CASK: variants seen among roughly 807,000 people sequenced by gnomAD.
The protein encoded by CASK is peripheral plasma membrane protein CASK.
A neutral mutation model predicts 82.9 loss-of-function variants in CASK; 4 were observed. The ratio of observed to expected loss-of-function variants is 0.05; its 90% CI spans 0.02 to 0.11. The LOEUF (loss-of-function observed/expected upper bound fraction) is 0.11, where lower values mean the gene tolerates loss of function less well. Ranked by LOEUF, CASK falls within the 10% of genes least tolerant of loss-of-function variation. CASK has a pLI of 1.00. For missense variants in CASK, 358 were observed against 720.9 expected (o/e 0.50, Z 5.76); for synonymous variants, 259 against 253.5 (o/e 1.02, Z -0.20).
At chrX:41,922,569 G>C (rs1047471820) in intron 1 of CASK, among the ~76,000 whole-genome samples, 12 of 112,267 alleles carry the variant, frequency 1.1e-4, no homozygotes, top group African/African-American at 3.2e-4. Flanking sequence ...AATGCAAGCT[G>C]CTCTGTTTCA....
At chrX:41,695,371 A>G (rs2067664418) in intron 5 of CASK, among the ~76,000 whole-genome samples, 1 of 101,142 alleles carries the variant, frequency 9.9e-6, no homozygotes, top group African/African-American at 3.7e-5. Flanking sequence ...GCTGGAGTGC[A>G]GTGGCTCAAT....
intron 2 of CASK, among the ~76,000 whole-genome samples, chrX:41,808,927 A>C (rs2070200504): frequency 8.9e-6 from 1 of 112,755 alleles, no homozygotes; most frequent in Admixed American, 9.3e-5. Context: ...AGCAAACAGC[A>C]CACCAGGAGA....
chrX:41,561,597 C>T lies in CASK; in HGVS notation c.1630G>A (p.Val544Met). The change falls in exon 17 of 27, where the codon GTG (valine) becomes ATG (methionine). Residue 544 changes from valine to methionine, a missense_variant. Val to Met is a conservative substitution (Grantham distance 21, BLOSUM62 1). Around this residue, in one of 5 missense-constraint regions of CASK, gnomAD observed 110 missense variants for 218.8 expected, o/e 0.50. Transcript: ENST00000378163. ...AGTTGTTCCACTGTTTGGTTAGCCA[C>T]ACTGATGCCATTGATTTCTCGAATT... ...DEIREINGIS[V>M]ANQTVEQLQK... The T allele has an allele frequency of 8.3e-7, 1 of 1,205,413 alleles. No individual in the cohort carries two copies. Among genetic ancestry groups the T allele is most frequent in the Non-Finnish European group, 1.1e-6 (1 of 889,802 alleles).
intron 24 of CASK, among the ~76,000 whole-genome samples, chrX:41,532,954 G>A (rs1315143193): frequency 3.6e-5 from 4 of 110,983 alleles, no homozygotes; most frequent in Non-Finnish European, 3.8e-5. Context: ...GGGACTACAG[G>A]TGTGTGCCAC....
rs764104185 is a variant in CASK at position 41,864,697 on chromosome X, G to A, written c.60-11470C>T. 1.3e-4 allele frequency among the ~76,000 whole-genome samples: 15 copies of A among 111,965 alleles called. 1 individual carries two copies. The Admixed American group carries it at 1.4e-3, about 11-fold the overall frequency. On this transcript the variant is annotated intron_variant, in intron 1 of 26. Coordinates refer to ENST00000378163, the MANE Select transcript of CASK (RefSeq NM_001367721.1). ...GGGGGGTAATCCAATTGTTTGCTTA[G>A]TAAAGGATGGAAAAGATTTAACTAT... is the stretch of plus-strand genomic sequence containing the variant.
intron 5 of CASK, among the ~76,000 whole-genome samples, 169 bp from the exon 6 acceptor site, chrX:41,671,699 G>A (rs759968905): frequency 1.8e-5 from 2 of 111,833 alleles, no homozygotes; most frequent in South Asian, 3.7e-4. Flanking sequence ...ATATTCTCAC[G>A]TCTGGCTGAT....
At chrX:41,664,578 G>T (rs2067084665) in intron 7 of CASK, among the ~76,000 whole-genome samples, 1 of 111,933 alleles carries the variant, frequency 8.9e-6, no homozygotes, top group South Asian at 3.7e-4. Context: ...CCTAGTCACT[G>T]TCAGTCGTAC....
At chrX:41,773,095 T>A (rs1183081943) in intron 3 of CASK, among the ~76,000 whole-genome samples, 2 of 110,649 alleles carry the variant, frequency 1.8e-5, no homozygotes, top group African/African-American at 6.6e-5. Context: ...AATCTAGGTA[T>A]GAAAACCAGG....
chrX:41,640,977 C>CTTTTTTTTT (rs933827422), intron 8 of CASK, among the ~76,000 whole-genome samples: 2 of 49,718 alleles, frequency 4.0e-5, no homozygotes, highest in Non-Finnish European at 7.2e-5. Context: ...GGTATCTCGT[C>CTTTTTTTTT]TTTTTTTTTT....
Position 41,561,543 on chromosome X carries a change from A to G in CASK, c.1668+16T>C. 8.8e-7 allele frequency: 1 copy of G among 1,131,868 alleles called. No individual in the cohort carries two copies. The highest frequency in any genetic ancestry group is 1.2e-6 in the Non-Finnish European group (1 of 824,247). The allele number at this position is 1,131,868 out of a possible 1,213,427, so 93.3% of individuals were successfully genotyped here. The stretch of plus-strand genomic sequence containing the variant: ...AAAAGTCAATTTTAGGAAAGGAAAA[A>G]CTTTCATTTACTTACAAGCATTTTT... On this transcript the variant is annotated intron_variant, in intron 17 of 26. Transcript: ENST00000378163.
rs773530254 is a variant in CASK, at chrX:41,589,621, ACACT to A, written c.1156-33_1156-30del. 1.1e-5 allele frequency: 11 copies of A among 980,813 alleles called. No homozygotes were observed. In the African/African-American group the frequency reaches 1.3e-4, roughly 12 times the overall value. 80.8% of individuals were successfully genotyped at this position (980,813 alleles called of 1,213,427 possible). A position where few individuals can be genotyped will look rare whatever the true frequency, so the allele number is the denominator to read the frequency against. On this transcript the variant is annotated intron_variant, in intron 12 of 26. Transcript: ENST00000378163. ...AAAAGCAAAGAAGAAAATCCAGTAA[ACACT>A]CACAATTCTTTGCTAAAAATCAGAG...
intron 11 of CASK, among the ~76,000 whole-genome samples, chrX:41,620,131 T>A (rs950681441): frequency 7.1e-5 from 8 of 112,445 alleles, no homozygotes; most frequent in Non-Finnish European, 1.1e-4. Flanking sequence ...CTTTTTTTTT[T>A]AAATAGTACA....
At chrX:41,676,004 T>C in intron 5 of CASK, 3 of 1,207,554 alleles carry the variant, frequency 2.5e-6, no homozygotes, top group Non-Finnish European at 3.4e-6. Flanking sequence ...TCTGATAGGA[T>C]GTGTTGGTTG....
At chrX:41,532,884 A>C (rs1335057001) in intron 24 of CASK, among the ~76,000 whole-genome samples, 3 of 111,421 alleles carry the variant, frequency 2.7e-5, no homozygotes. Context: ...ATCTCAGCTC[A>C]CTGCAACTTC....
chrX:41,769,746 C>T (rs1355176873), intron 3 of CASK, among the ~76,000 whole-genome samples: 1 of 110,629 alleles, frequency 9.0e-6, no homozygotes, highest in Non-Finnish European at 1.9e-5. Context: ...GAGTTCAAGA[C>T]CAGCCTGGGA....
intron 2 of CASK, among the ~76,000 whole-genome samples, chrX:41,820,986 C>T (rs2070526742): frequency 9.0e-6 from 1 of 110,533 alleles, no homozygotes; most frequent in African/African-American, 3.3e-5. Flanking sequence ...TACAATTATA[C>T]AAGAAAATAT....
chrX:41,813,531 C>G (rs929190683), intron 2 of CASK, among the ~76,000 whole-genome samples: 14 of 111,448 alleles, frequency 1.3e-4, no homozygotes, highest in East Asian at 2.8e-4. Flanking sequence ...GGAAAACTGG[C>G]TAGCCATATG....
intron 5 of CASK, among the ~76,000 whole-genome samples, chrX:41,690,592 C>T (rs1171642939): frequency 2.8e-5 from 3 of 107,292 alleles, no homozygotes; most frequent in Non-Finnish European, 3.9e-5. Flanking sequence ...AATTCCTGGA[C>T]TCCAGTGATT....
intron 3 of CASK, among the ~76,000 whole-genome samples, chrX:41,778,390 C>T (rs1011413591): frequency 3.6e-5 from 4 of 109,869 alleles, no homozygotes; most frequent in African/African-American, 1.3e-4. Flanking sequence ...GCCACCACGC[C>T]TGGCTAATTT....
Sources: gnomAD v4.1 joint callset for allele counts (sites outside exome capture counted in the v4.1 genomes callset) on GRCh38, gnomAD v4.1.1 for gene constraint, gnomAD v4.1.1 regional missense constraint, MANE v1.5 for transcripts, NCBI Gene and HGNC (gene_info 2026-07-23, HGNC 2026-07-21) for gene names.